NCK2: variants seen among roughly 807,000 people sequenced by gnomAD.
The protein encoded by NCK2 is cytoplasmic protein NCK2.
Under a neutral mutation model 33.9 loss-of-function variants are expected in NCK2, and 16 were observed. The observed-to-expected ratio is 0.47, with a 90% CI of 0.32 to 0.72. The LOEUF (loss-of-function observed/expected upper bound fraction) is 0.72. Ranked by LOEUF, NCK2 falls within the 30% of genes least tolerant of loss-of-function variation. NCK2 has a pLI of 0.03. For synonymous variants in NCK2, 273 were observed against 239.9 expected (o/e 1.14, Z -1.27); for missense variants, 418 against 537.3 (o/e 0.78, Z 2.19).
chr2:105,768,772 A>C (rs1384068674), intron 1 of NCK2, among the ~76,000 whole-genome samples: 1 of 152,208 alleles, frequency 6.6e-6, no homozygotes, highest in Non-Finnish European at 1.5e-5. Context: ...GGGAAGCCAA[A>C]AGATTGGACA....
At chr2:105,829,766 C>G (rs1676095726) in intron 2 of NCK2, among the ~76,000 whole-genome samples, 1 of 152,034 alleles carries the variant, frequency 6.6e-6, no homozygotes, top group African/African-American at 2.4e-5. Context: ...TCCCTATGTA[C>G]TCTTTGGAAG....
intron 1 of NCK2, among the ~76,000 whole-genome samples, chr2:105,806,710 G>GA (rs58592956): frequency 0.22 from 33,727 of 151,974 alleles, 4,084 homozygotes; most frequent in South Asian, 0.33. Flanking sequence ...CTTAATGAGG[G>GA]AAAAAAATCA....
At chr2:105,857,106 C>T (rs1218577156) in intron 3 of NCK2, 1 of 147,706 alleles carries the variant, frequency 6.8e-6, no homozygotes, top group Non-Finnish European at 1.5e-5. Context: ...GGAAGTAGAA[C>T]AAGGCAAGGC....
chr2:105,784,054 T>C (rs966556505), intron 1 of NCK2, among the ~76,000 whole-genome samples: 1 of 152,208 alleles, frequency 6.6e-6, no homozygotes, highest in Non-Finnish European at 1.5e-5. Context: ...CTCAACACCA[T>C]GCGTGGCATT....
intron 1 of NCK2, among the ~76,000 whole-genome samples, chr2:105,763,600 CTG>C (rs3835868): frequency 0.34 from 51,063 of 151,850 alleles, 9,678 homozygotes; most frequent in East Asian, 0.46. Context: ...GTTCTGGGAT[CTG>C]TGATTATTTA....
chr2:105,810,445 AG>A (rs935509980), intron 1 of NCK2, among the ~76,000 whole-genome samples: 48 of 152,040 alleles, frequency 3.2e-4, no homozygotes, highest in African/African-American at 1.2e-3. Context: ...CTTCAGAAAA[AG>A]GGGGGTTTGC....
At chr2:105,767,688 T>C (rs1689992227) in intron 1 of NCK2, among the ~76,000 whole-genome samples, 2 of 152,194 alleles carry the variant, frequency 1.3e-5, no homozygotes, top group East Asian at 1.9e-4. Flanking sequence ...CAGCCCCTAG[T>C]GTGCAGCAAG....
intron 3 of NCK2, among the ~76,000 whole-genome samples, chr2:105,862,334 G>A (rs972978523): frequency 9.9e-5 from 15 of 152,106 alleles, no homozygotes; most frequent in Non-Finnish European, 1.5e-4. Context: ...CAAGATTTTA[G>A]TTACATGGTA....
chr2:105,801,009 C>A (rs548021238), intron 1 of NCK2, among the ~76,000 whole-genome samples: 1 of 152,030 alleles, frequency 6.6e-6, no homozygotes, highest in African/African-American at 2.4e-5. Context: ...TTTCTAAACG[C>A]AGAAAAAAGC....
intron 1 of NCK2, among the ~76,000 whole-genome samples, chr2:105,747,364 C>T (rs566629774): frequency 2.0e-5 from 3 of 152,314 alleles, no homozygotes; most frequent in African/African-American, 4.8e-5. Context: ...TACCCTAAGA[C>T]TCCCGGAATG....
At chr2:105,745,254 C>CG (rs1285333503) in intron 1 of NCK2, 116 bp downstream of exon 1, 1 of 151,358 alleles carries the variant, frequency 6.6e-6, no homozygotes, top group African/African-American at 2.4e-5. Flanking sequence ...GCCAGGAGAG[C>CG]GGGTCCCCTC....
chr2:105,792,520 T>C (rs908593803), intron 1 of NCK2, among the ~76,000 whole-genome samples: 2 of 152,212 alleles, frequency 1.3e-5, no homozygotes, highest in Admixed American at 6.5e-5. Context: ...CAAAATGTTA[T>C]TTACAACTGG....
chr2:105,828,608 C>G (rs1676046691), intron 2 of NCK2, among the ~76,000 whole-genome samples: 1 of 152,178 alleles, frequency 6.6e-6, no homozygotes, highest in South Asian at 2.1e-4. Context: ...AATGAAATAC[C>G]TATTTTCATG....
chr2:105,885,618 A>C (rs1463381450), intron 4 of NCK2, among the ~76,000 whole-genome samples: 3 of 151,706 alleles, frequency 2.0e-5, no homozygotes, highest in Non-Finnish European at 2.9e-5. Context: ...CTGATTCAGG[A>C]GGTCTGGGGC....
At chr2:105,847,372 C>T (rs1267903834) in intron 2 of NCK2, 1 of 151,714 alleles carries the variant, frequency 6.6e-6, no homozygotes, top group Non-Finnish European at 1.5e-5. Flanking sequence ...TATATTTTAT[C>T]ACAACTTTGT....
At position 105,893,011 on chromosome 2, in the gene NCK2, G is replaced by C; in HGVS notation, c.978G>C (p.Ala326=). 1 of 1,613,384 alleles carries C rather than the reference G, an allele frequency of 6.2e-7. No individual in the cohort carries two copies. The highest frequency in any genetic ancestry group is 1.1e-5 in the South Asian group (1 of 91,070). Residue 326 remains alanine, a synonymous_variant, in exon 5 of 5, where the codon GCG becomes GCC. Coordinates refer to ENST00000233154, the MANE Select transcript of NCK2 (RefSeq NM_003581.5). ...SPSDFSVSLK[A]SGKNKHFKVQ... is the part of the protein sequence containing the mutation. ...GCGACTTCTCCGTGTCCCTTAAAGC[G>C]TCAGGGAAGAACAAACACTTCAAGG... is the stretch of plus-strand genomic sequence containing the variant.
intron 1 of NCK2, among the ~76,000 whole-genome samples, chr2:105,792,378 C>CT (rs1690917773): frequency 6.6e-6 from 1 of 151,948 alleles, no homozygotes; most frequent in South Asian, 2.1e-4. Context: ...ATCTAAGCCC[C>CT]TATAGACTCT....
At chr2:105,806,459 G>T (rs536378812) in intron 1 of NCK2, among the ~76,000 whole-genome samples, 1 of 152,166 alleles carries the variant, frequency 6.6e-6, no homozygotes, top group Non-Finnish European at 1.5e-5. Context: ...GGATGGTCTC[G>T]ATCTCTTGAC....
At chr2:105,845,052 C>A (rs747945951) in intron 2 of NCK2, among the ~76,000 whole-genome samples, 1 of 152,076 alleles carries the variant, frequency 6.6e-6, no homozygotes, top group Non-Finnish European at 1.5e-5. Flanking sequence ...GGTACAGGTT[C>A]TTGTCCCTAG....
Sources: gnomAD v4.1 joint callset for allele counts (sites outside exome capture counted in the v4.1 genomes callset) on GRCh38, gnomAD v4.1.1 for gene constraint, MANE v1.5 for transcripts, NCBI Gene and HGNC (gene_info 2026-07-23, HGNC 2026-07-21) for gene names.